Variants in PNLIPRP3 observed in about 807,000 individuals in gnomAD.
The protein encoded by PNLIPRP3 is pancreatic lipase related protein 3, also known as pancreatic lipase-related protein 3.
PNLIPRP3 carries 58 observed loss-of-function variants against 52.8 expected under a neutral mutation model. That is an observed-to-expected ratio of 1.10 (90% CI 0.89 to 1.37). The LOEUF (loss-of-function observed/expected upper bound fraction) is 1.37. PNLIPRP3 is among the 40% of genes most tolerant of loss of function. PNLIPRP3 has a pLI of 0.00. For missense variants in PNLIPRP3, 593 were observed against 561.6 expected (o/e 1.06, Z -0.57); for synonymous variants, 192 against 185.0 (o/e 1.04, Z -0.31).
At chr10:116,448,484 G>A (rs12243884) in intron 4 of PNLIPRP3, among the ~76,000 whole-genome samples, 134,749 of 152,098 alleles carry the variant, frequency 0.89, 60,640 homozygotes, top group Non-Finnish European at 0.97. Flanking sequence ...AAAACACAAA[G>A]GAAGACAACA....
At chr10:116,430,908 G>A (rs78667240) in intron 1 of PNLIPRP3, among the ~76,000 whole-genome samples, 11,290 of 152,070 alleles carry the variant, frequency 0.074, 599 homozygotes, top group East Asian at 0.17. Context: ...TCCCAGTCTC[G>A]TATATGCAAG....
intron 10 of PNLIPRP3, among the ~76,000 whole-genome samples, chr10:116,472,483 A>G (rs1042708187): frequency 1.3e-5 from 2 of 152,214 alleles, no homozygotes; most frequent in African/African-American, 4.8e-5. Context: ...TTAACATTAT[A>G]CCTACTAATT....
intron 10 of PNLIPRP3, 104 bp downstream of exon 10, chr10:116,471,983 C>T (rs1846381237): frequency 1.6e-6 from 1 of 638,476 alleles, no homozygotes; most frequent in Non-Finnish European, 2.7e-6. Context: ...TCCTACAATT[C>T]CACAGGCTAC....
At chr10:116,439,434 A>C (rs1845825650) in intron 2 of PNLIPRP3, 1 of 618,296 alleles carries the variant, frequency 1.6e-6, no homozygotes, top group Non-Finnish European at 2.9e-6. Context: ...AAGTATTCAC[A>C]AGGAGACAGA....
rs913750917 is a variant in PNLIPRP3, at chr10:116,469,094, G to T, written c.928-91G>T. 1.5e-5 allele frequency: 19 copies of T among 1,226,864 alleles called. No individual in the cohort carries two copies. The African/African-American group carries it at 2.4e-4, about 16-fold the overall frequency. 76.0% of individuals were successfully genotyped at this position (1,226,864 alleles called of 1,614,324 possible). ...GCATATCCTTTATTTAGATCCTGGA[G>T]ATTTATTATTATTTAATAATATATA... On this transcript the variant is annotated intron_variant, in intron 8 of 11. Coordinates refer to ENST00000369230, the MANE Select transcript of PNLIPRP3 (RefSeq NM_001011709.3).
intron 7 of PNLIPRP3, among the ~76,000 whole-genome samples, chr10:116,462,323 AT>A (rs1259675955): frequency 6.9e-6 from 1 of 145,878 alleles, no homozygotes; most frequent in East Asian, 2.0e-4. Context: ...AATAATAATA[AT>A]ATATATATAT....
At chr10:116,437,046 T>C (rs1164663803) in intron 2 of PNLIPRP3, among the ~76,000 whole-genome samples, 181 bp downstream of exon 2, 1 of 151,936 alleles carries the variant, frequency 6.6e-6, no homozygotes, top group Non-Finnish European at 1.5e-5. Flanking sequence ...TTATCTGTTC[T>C]GATATATCTG....
intron 1 of PNLIPRP3, among the ~76,000 whole-genome samples, chr10:116,435,622 A>G (rs1299613039): frequency 6.6e-6 from 1 of 152,178 alleles, no homozygotes; most frequent in African/African-American, 2.4e-5. Context: ...GTACCATCCT[A>G]ACAAGTGTGG....
chr10:116,441,891 CAGAT>C (rs1845863811), intron 2 of PNLIPRP3, among the ~76,000 whole-genome samples: 1 of 152,116 alleles, frequency 6.6e-6, no homozygotes, highest in African/African-American at 2.4e-5. Context: ...GGCAAATAGA[CAGAT>C]AGGAGTGTTA....
intron 2 of PNLIPRP3, chr10:116,439,506 T>C (rs1259115478): frequency 1.2e-5 from 9 of 757,560 alleles, no homozygotes; most frequent in African/African-American, 1.7e-5. Flanking sequence ...TTCATCCTCC[T>C]CTTCCACTTT....
chr10:116,434,246 A>T (rs10787672), intron 1 of PNLIPRP3, among the ~76,000 whole-genome samples: 4 of 152,036 alleles, frequency 2.6e-5, no homozygotes, highest in African/African-American at 9.7e-5. Flanking sequence ...AAGTATAAAT[A>T]AGAAAATTAA....
chr10:116,466,635 A>T (rs879481646), intron 8 of PNLIPRP3, among the ~76,000 whole-genome samples: 2 of 148,132 alleles, frequency 1.4e-5, no homozygotes, highest in Non-Finnish European at 3.0e-5. Context: ...TAAAGCATAG[A>T]TAGCTCACAG....
At chr10:116,433,923 A>G (rs1271471847) in intron 1 of PNLIPRP3, among the ~76,000 whole-genome samples, 8 of 152,242 alleles carry the variant, frequency 5.3e-5, no homozygotes, top group Non-Finnish European at 7.3e-5. Flanking sequence ...AAAGTAACCT[A>G]GCAAAAGCTA....
intron 4 of PNLIPRP3, among the ~76,000 whole-genome samples, chr10:116,445,912 T>C (rs1486491650): frequency 6.6e-6 from 1 of 152,032 alleles, no homozygotes. Context: ...ACCACCTGGA[T>C]TGGTACTGAG....
At chr10:116,458,037 C>A (rs1846140775) in intron 5 of PNLIPRP3, among the ~76,000 whole-genome samples, 1 of 152,058 alleles carries the variant, frequency 6.6e-6, no homozygotes, top group Non-Finnish European at 1.5e-5. Flanking sequence ...TAATTAACCA[C>A]TTAAAAACAA....
chr10:116,446,497 TG>T (rs1390037168), intron 4 of PNLIPRP3, among the ~76,000 whole-genome samples: 1 of 151,898 alleles, frequency 6.6e-6, no homozygotes, highest in Non-Finnish European at 1.5e-5. Context: ...TCATAACTGG[TG>T]GAAAAAAATG....
chr10:116,471,360 C>T (rs192418668), intron 9 of PNLIPRP3, among the ~76,000 whole-genome samples: 7 of 152,168 alleles, frequency 4.6e-5, no homozygotes, highest in Non-Finnish European at 8.8e-5. Context: ...CAATTGGTTT[C>T]CTAGATTTTT....
At position 116,439,936 on chromosome 10, in the gene PNLIPRP3, T is replaced by C. The variant is rs1252404472; in HGVS notation, c.204+3071T>C. ...GCGCTTCTTGGAAAATTCTGCAAAA[T>C]TGACAGGGACCTCTGGGTTTTTCTT... On this transcript the variant is annotated intron_variant, in intron 2 of 11. Transcript: ENST00000369230. The C allele has an allele frequency of 9.2e-6, 8 of 868,782 alleles. No homozygotes were observed. In the South Asian group the frequency reaches 1.0e-4, roughly 11 times the overall value. 53.8% of individuals were successfully genotyped at this position (868,782 alleles called of 1,614,324 possible).
chr10:116,475,414 C>T (rs1437496366), intron 10 of PNLIPRP3, among the ~76,000 whole-genome samples: 2 of 151,966 alleles, frequency 1.3e-5, no homozygotes, highest in Admixed American at 6.6e-5. Flanking sequence ...GTACCCCTGA[C>T]CTTGTTTAAA....
Sources: allele counts gnomAD v4.1 joint callset (sites outside exome capture counted in the v4.1 genomes callset), GRCh38; gene constraint gnomAD v4.1.1; transcripts MANE v1.5; gene names NCBI Gene and HGNC (gene_info 2026-07-23, HGNC 2026-07-21).